MACF1: variants seen among roughly 807,000 people sequenced by gnomAD.
The protein encoded by MACF1 is microtubule-actin cross-linking factor 1.
MACF1 carries 193 observed loss-of-function variants against 854.8 expected under a neutral mutation model. That is an observed-to-expected ratio of 0.23 (90% confidence interval 0.20 to 0.25). The LOEUF (loss-of-function observed/expected upper bound fraction) is 0.25. Ranked by LOEUF, MACF1 falls within the 10% of genes least tolerant of loss-of-function variation. The pLI, the probability that MACF1 is intolerant of heterozygous loss-of-function variation, is 1.00. For synonymous variants in MACF1, 3,185 were observed against 3,226.7 expected, an observed-to-expected ratio of 0.99 and a Z score of 0.44; for missense variants, 7,722 against 8,929.1, an observed-to-expected ratio of 0.86 and a Z score of 5.45.
rs1055017537 is a variant in MACF1 at position 39,359,252 on chromosome 1, C to G, written c.12232C>G (p.Gln4078Glu). Reference protein sequence around the residue: ...GEPAPDHRHVQETTDSILSHF... With the variant: ...GEPAPDHRHVEETTDSILSHF... ...GCCAGCCCCAGACCACAGGCATGTTCAAGAAACTACAGGTATAAAGCAGCA... is the reference window on the plus strand; with the variant it reads ...GCCAGCCCCAGACCACAGGCATGTTGAAGAAACTACAGGTATAAAGCAGCA... The change falls in exon 47 of 101, where the codon CAA becomes GAA. Residue 4078 changes from glutamine to glutamate, a missense_variant. This residue lies in a region of MACF1 where 2,807 missense variants were observed against 3,235.8 expected (regional missense o/e 0.87). Coordinates refer to ENST00000564288, the MANE Select transcript of MACF1 (RefSeq NM_001394062.1). 6.2e-7 allele frequency: 1 copy of G among 1,614,130 alleles called. No homozygotes were observed. The highest frequency in any genetic ancestry group is 8.5e-7 in the Non-Finnish European group (1 of 1,180,022).
chr1:39,203,770 CAGT>C (rs1644418750), upstream of MACF1, among the ~76,000 whole-genome samples: 1 of 152,154 alleles, frequency 6.6e-6, no homozygotes, highest in East Asian at 1.9e-4. Context: ...TCGTATGTAT[CAGT>C]AGTTTTATTC....
intron 87 of MACF1, among the ~76,000 whole-genome samples, chr1:39,453,086 T>G (rs577188326): frequency 4.6e-5 from 7 of 152,204 alleles, no homozygotes; most frequent in African/African-American, 1.7e-4. Flanking sequence ...ATGTTGACTA[T>G]TTCATCTTCT....
intron 2 of MACF1, among the ~76,000 whole-genome samples, chr1:39,152,269 G>A (rs115612355): frequency 0.025 from 3,845 of 152,234 alleles, 94 homozygotes; most frequent in East Asian, 0.13. Context: ...CACTGTGCCC[G>A]GCGTGCACAG....
chr1:39,474,659 A>T (rs1441856594), intron 97 of MACF1, among the ~76,000 whole-genome samples: 1 of 152,212 alleles, frequency 6.6e-6, no homozygotes, highest in Non-Finnish European at 1.5e-5. Context: ...GTGCCACTGC[A>T]CTCCAGCCTG....
At chr1:39,410,741 G>C (rs372975349) in intron 58 of MACF1, 103 of 1,613,832 alleles carry the variant, frequency 6.4e-5, no homozygotes, top group Non-Finnish European at 7.6e-5. Context: ...TCAGAAGCTG[G>C]TGCTTCAAAT....
At chr1:39,293,741 C>T (rs781750977) in intron 18 of MACF1, 122 bp downstream of exon 18, 5 of 807,390 alleles carry the variant, frequency 6.2e-6, no homozygotes, top group South Asian at 2.3e-5. Flanking sequence ...AATAGGGGCC[C>T]TACTCAATGC....
intron 58 of MACF1, among the ~76,000 whole-genome samples, chr1:39,415,716 G>T (rs377485705): frequency 1.3e-5 from 2 of 152,066 alleles, no homozygotes; most frequent in African/African-American, 4.8e-5. Context: ...AGTTGGAAAC[G>T]ATGTTCCACA....
chr1:39,422,337 CT>C (rs1643575014), intron 58 of MACF1, 36 bp from the exon 59 acceptor site: 1 of 1,588,438 alleles, frequency 6.3e-7, no homozygotes, highest in African/African-American at 1.3e-5. Context: ...GTCTAATAGC[CT>C]TTGTATTAAA....
chr1:39,375,830 C>T lies in MACF1; in HGVS notation c.13214-2631C>T, dbSNP rs191587925. 2.9e-3 allele frequency among the ~76,000 whole-genome samples: 440 copies of T among 152,278 alleles called. 2 individuals carry two copies. Among genetic ancestry groups the T allele is most frequent in the African/African-American group, 0.01 (428 of 41,568 alleles). On this transcript the variant is annotated intron_variant, in intron 52 of 100. Transcript: ENST00000564288. The stretch of plus-strand genomic sequence containing the variant: ...AATGAGGGCTTTTACACATAGAAAA[C>T]ACTTAAGACTGACATTGAGGACAAA...
intron 49 of MACF1, among the ~76,000 whole-genome samples, chr1:39,365,010 T>C (rs1648568128): frequency 6.6e-6 from 1 of 152,236 alleles, no homozygotes; most frequent in African/African-American, 2.4e-5. Flanking sequence ...TTCTGTTATG[T>C]CTATCTAGTT....
intron 17 of MACF1, 25 bp from the exon 18 acceptor site, chr1:39,293,433 A>T (rs1160277490): frequency 1.3e-6 from 2 of 1,590,558 alleles, no homozygotes; most frequent in Admixed American, 3.5e-5. Flanking sequence ...TGCCAGTCTA[A>T]TCTTATAATC....
rs375083004 is a variant in MACF1 at position 39,366,777 on chromosome 1, C to G, written c.12772-1371C>G. Among the ~76,000 whole-genome samples the G allele has an allele frequency of 1.4e-4, 21 of 151,244 alleles. No homozygotes were observed. The East Asian group carries it at 3.7e-3, about 27-fold the overall frequency. On this transcript the variant is annotated intron_variant, in intron 49 of 100. Coordinates refer to ENST00000564288, the MANE Select transcript of MACF1 (RefSeq NM_001394062.1). Reference sequence around the variant, plus strand: ...TGGCACAATCTCGGCTCACTGCAACCTCCGCCTCCTGGGTTCCAGCAATTT... The same window carrying G: ...TGGCACAATCTCGGCTCACTGCAACGTCCGCCTCCTGGGTTCCAGCAATTT...
At chr1:39,222,911 G>C (rs146851858) in intron 1 of MACF1, among the ~76,000 whole-genome samples, 1 of 152,246 alleles carries the variant, frequency 6.6e-6, no homozygotes, top group Non-Finnish European at 1.5e-5. Flanking sequence ...GGGACTATGT[G>C]GGTAGGCTAT....
chr1:39,418,083 A>G (rs893336403), intron 58 of MACF1, among the ~76,000 whole-genome samples: 2 of 152,206 alleles, frequency 1.3e-5, no homozygotes, highest in South Asian at 4.1e-4. Context: ...GGATTTGAAG[A>G]CAATAGGGTG....
intron 2 of MACF1, among the ~76,000 whole-genome samples, chr1:39,117,335 G>C (rs1642572554): frequency 6.6e-6 from 1 of 151,980 alleles, no homozygotes. Context: ...CCGCATCTTT[G>C]TTTGTTTATT....
Position 39,379,463 on chromosome 1 carries a change from T to C in MACF1, c.13518+19T>C, listed in dbSNP as rs201779321. The C allele has an allele frequency of 1.3e-3, 2,098 of 1,598,746 alleles. 3 individuals carry two copies. The highest frequency in any genetic ancestry group is 3.0e-3 in the Middle Eastern group (18 of 5,966). On this transcript the variant is annotated intron_variant, in intron 54 of 100. Transcript: ENST00000564288. ...TAACAAGGTACTGTGTTTACATTAGTTGCCTCCCAACACCAAGAGGAAGAG... is the reference window on the plus strand; with the variant it reads ...TAACAAGGTACTGTGTTTACATTAGCTGCCTCCCAACACCAAGAGGAAGAG...
chr1:39,459,304 C>T (rs1028388632), intron 91 of MACF1, 55 bp downstream of exon 91: 3 of 1,541,308 alleles, frequency 1.9e-6, no homozygotes, highest in Non-Finnish European at 2.6e-6. Context: ...TCAATCAAAA[C>T]ACAGCCCTTC....
At chr1:39,450,273 G>A (rs1310535556) in intron 84 of MACF1, among the ~76,000 whole-genome samples, 1 of 151,238 alleles carries the variant, frequency 6.6e-6, no homozygotes, top group East Asian at 1.9e-4. Context: ...GGGATTGCAA[G>A]TGTGAGCCAA....
intron 65 of MACF1, 104 bp downstream of exon 65, chr1:39,430,172 C>G: frequency 7.8e-7 from 1 of 1,281,338 alleles, no homozygotes; most frequent in Non-Finnish European, 1.1e-6. Flanking sequence ...AATATGTGCC[C>G]CCTTTCTTGT....
Sources: allele counts gnomAD v4.1 joint callset (sites outside exome capture counted in the v4.1 genomes callset), GRCh38; gene constraint gnomAD v4.1.1; regional missense constraint gnomAD v4.1.1; transcripts MANE v1.5; gene names NCBI Gene and HGNC (gene_info 2026-07-23, HGNC 2026-07-21).